ITGA9: variants seen among roughly 807,000 people sequenced by gnomAD.
The protein encoded by ITGA9 is integrin alpha-9.
Under a neutral mutation model 127.8 loss-of-function variants are expected in ITGA9, and 56 were observed. That is an observed-to-expected ratio of 0.44 (90% CI 0.35 to 0.55). The LOEUF is 0.55. Ranked by LOEUF, ITGA9 falls within the 20% of genes least tolerant of loss-of-function variation. The pLI is 0.00. For missense variants in ITGA9, 1,196 were observed against 1,347.1 expected (o/e 0.89, Z 1.76); for synonymous variants, 508 against 514.5 (o/e 0.99, Z 0.17).
At chr3:37,517,276 A>G (rs760021503) in intron 9 of ITGA9, among the ~76,000 whole-genome samples, 4 of 152,110 alleles carry the variant, frequency 2.6e-5, no homozygotes, top group African/African-American at 4.8e-5. Context: ...CCTTCCCTCA[A>G]AAATGCATCT....
At chr3:37,591,664 T>C (rs1163714554) in intron 15 of ITGA9, among the ~76,000 whole-genome samples, 1 of 152,220 alleles carries the variant, frequency 6.6e-6, no homozygotes, top group Non-Finnish European at 1.5e-5. Context: ...TATCAGCCTG[T>C]CTGTGGACCT....
intron 18 of ITGA9, among the ~76,000 whole-genome samples, chr3:37,699,854 C>T (rs1700927282): frequency 6.6e-6 from 1 of 152,196 alleles, no homozygotes; most frequent in African/African-American, 2.4e-5. Context: ...GCACATAGCC[C>T]ACTCCCCATT....
At chr3:37,725,608 T>C (rs1696180865) in intron 18 of ITGA9, among the ~76,000 whole-genome samples, 1 of 152,222 alleles carries the variant, frequency 6.6e-6, no homozygotes, top group Non-Finnish European at 1.5e-5. Context: ...GCAAGTGATA[T>C]AACTTCACAT....
chr3:37,499,759 G>A (rs531735982), intron 5 of ITGA9, among the ~76,000 whole-genome samples: 119 of 152,274 alleles, frequency 7.8e-4, no homozygotes, highest in Non-Finnish European at 1.4e-3. Context: ...CACTGGGGGC[G>A]GAGTGGCGTG....
intron 16 of ITGA9, among the ~76,000 whole-genome samples, chr3:37,642,385 C>T (rs539732856): frequency 1.5e-3 from 227 of 152,338 alleles, no homozygotes; most frequent in Non-Finnish European, 2.6e-3. Context: ...ATCCGCAACA[C>T]CTGGCAGAGA....
chr3:37,530,573 C>CT (rs1230695598), intron 13 of ITGA9, among the ~76,000 whole-genome samples: 1 of 152,062 alleles, frequency 6.6e-6, no homozygotes, highest in Non-Finnish European at 1.5e-5. Flanking sequence ...GGTGAAGGCT[C>CT]TTTATCTGTC....
At position 37,552,946 on chromosome 3, in the gene ITGA9, C is replaced by T. The variant is rs1324967760; in HGVS notation, c.1689+10361C>T. On this transcript the variant is annotated intron_variant, in intron 15 of 27. Coordinates refer to ENST00000264741, the MANE Select transcript of ITGA9 (RefSeq NM_002207.3). ...AGGAGAATTGTTTGAATCTGGTAGG[C>T]GGAGGTTGCAGTGAGCCAAGATTGT... is the stretch of plus-strand genomic sequence containing the variant. Among the ~76,000 whole-genome samples, 4 of 149,066 alleles carry T rather than the reference C, an allele frequency of 2.7e-5. No homozygotes were observed. In the Admixed American group the frequency reaches 2.7e-4, roughly 10 times the overall value.
intron 16 of ITGA9, among the ~76,000 whole-genome samples, chr3:37,630,409 A>G (rs527642068): frequency 6.6e-6 from 1 of 152,216 alleles, no homozygotes; most frequent in African/African-American, 2.4e-5. Context: ...AAGGAAAGGC[A>G]TGGGGGCTCA....
intron 18 of ITGA9, among the ~76,000 whole-genome samples, chr3:37,727,714 A>G (rs1696232374): frequency 1.3e-5 from 2 of 152,184 alleles, no homozygotes; most frequent in Non-Finnish European, 2.9e-5. Flanking sequence ...TTTGCTTCAT[A>G]TTTTGTCTGG....
chr3:37,749,847 G>A (rs1696558788), intron 22 of ITGA9, among the ~76,000 whole-genome samples: 2 of 152,156 alleles, frequency 1.3e-5, no homozygotes, highest in South Asian at 2.1e-4. Flanking sequence ...GCTTGGTTTT[G>A]GGATGACCCA....
intron 23 of ITGA9, among the ~76,000 whole-genome samples, chr3:37,754,284 A>C (rs1024144549): frequency 6.6e-6 from 1 of 152,204 alleles, no homozygotes; most frequent in East Asian, 1.9e-4. Context: ...GCTTCACTTG[A>C]TGGAGTTAAA....
At chr3:37,664,514 G>A (rs749578258) in intron 17 of ITGA9, among the ~76,000 whole-genome samples, 9 of 148,768 alleles carry the variant, frequency 6.0e-5, no homozygotes, top group South Asian at 2.1e-4. Flanking sequence ...TCCACCTCCC[G>A]GGCTCAAGCG....
intron 18 of ITGA9, among the ~76,000 whole-genome samples, chr3:37,723,446 C>A (rs1468639314): frequency 6.6e-6 from 1 of 151,972 alleles, no homozygotes; most frequent in Non-Finnish European, 1.5e-5. Flanking sequence ...CTGCAATCTC[C>A]GCCTGCTGGG....
At chr3:37,610,911 C>T (rs552597415) in intron 15 of ITGA9, among the ~76,000 whole-genome samples, 12 of 152,112 alleles carry the variant, frequency 7.9e-5, no homozygotes, top group African/African-American at 2.7e-4. Context: ...ATAGGTATGA[C>T]ACCATTTCTT....
intron 23 of ITGA9, among the ~76,000 whole-genome samples, chr3:37,773,060 G>A (rs779907969): frequency 2.0e-5 from 3 of 152,152 alleles, no homozygotes; most frequent in South Asian, 2.1e-4. Context: ...GCCCCTCTCC[G>A]CTGGCGTCTT....
At chr3:37,789,225 C>CT (rs1697076870) in intron 26 of ITGA9, among the ~76,000 whole-genome samples, 1 of 152,122 alleles carries the variant, frequency 6.6e-6, no homozygotes, top group Non-Finnish European at 1.5e-5. Context: ...AAACACCTAA[C>CT]TTGGAAAGTA....
At chr3:37,508,691 C>G in intron 8 of ITGA9, 64 bp downstream of exon 8, 2 of 1,417,492 alleles carry the variant, frequency 1.4e-6, no homozygotes, top group South Asian at 1.2e-5. Flanking sequence ...GGAGTCAGTA[C>G]TTTTTAGAAA....
At chr3:37,594,526 A>G (rs938487940) in intron 15 of ITGA9, among the ~76,000 whole-genome samples, 1 of 152,042 alleles carries the variant, frequency 6.6e-6, no homozygotes, top group Non-Finnish European at 1.5e-5. Flanking sequence ...CTTCCAAATA[A>G]AGCTTGAAGT....
rs35312679 is a variant in ITGA9, at chr3:37,664,420, C to CTT, written c.1916+10651_1916+10652dup. 1.8e-3 allele frequency among the ~76,000 whole-genome samples: 206 copies of CTT among 114,892 alleles called. 2 individuals are homozygous for CTT. Among genetic ancestry groups the CTT allele is most frequent in the African/African-American group, 4.9e-3 (146 of 29,554 alleles). 75.4% of individuals were successfully genotyped at this position (114,892 alleles called of 152,430 possible). On this transcript the variant is annotated intron_variant, in intron 17 of 27. Transcript: ENST00000264741. ...AGTCCTTGCATTGAGTCAGCACATT[C>CTT]TTTTTTTTTTTTTTTTTTTTTTAGA...
Sources: gnomAD v4.1 joint callset for allele counts (sites outside exome capture counted in the v4.1 genomes callset) on GRCh38, gnomAD v4.1.1 for gene constraint, MANE v1.5 for transcripts, NCBI Gene and HGNC (gene_info 2026-07-23, HGNC 2026-07-21) for gene names.